The following HSF1 variants were observed in gnomAD, a reference collection of about 807,000 sequenced individuals.
HSF1 encodes the protein heat shock transcription factor 1.
A neutral mutation model predicts 51.7 loss-of-function variants in HSF1; 32 were observed. That is an observed-to-expected ratio of 0.62 (90% CI 0.47 to 0.83). HSF1 has a LOEUF of 0.83. Ranked by LOEUF, HSF1 falls within the 40% of genes least tolerant of loss-of-function variation. The pLI, the probability that HSF1 is intolerant of heterozygous loss-of-function variation, is 0.00. For missense variants in HSF1, 727 were observed against 717.0 expected, an observed-to-expected ratio of 1.01 and a Z score of -0.16; for synonymous variants, 396 against 309.7, an observed-to-expected ratio of 1.28 and a Z score of -2.92.
chr8:144,310,635 AC>A (rs1349812917), intron 4 of HSF1: 1 of 166,996 alleles, frequency 6.0e-6, no homozygotes, highest in Non-Finnish European at 1.3e-5. Flanking sequence ...AAGAAGACTC[AC>A]AGGCTTGACA....
chr8:144,309,902 T>C lies in HSF1; in HGVS notation c.488+6T>C, dbSNP rs1554844032. The C allele has an allele frequency of 1.2e-6, 2 of 1,612,172 alleles. No homozygotes were observed. The highest frequency in any genetic ancestry group is 3.3e-5 in the Admixed American group (2 of 59,952). ...AAGCTCCTGGCCATGAAGCAGTAGG[T>C]CCCACACCAGCATTATGGGCCACAG... On this transcript the variant is annotated splice_donor_region_variant and intron_variant, in intron 4 of 12. Coordinates refer to ENST00000528838, the MANE Select transcript of HSF1 (RefSeq NM_005526.4).
At chr8:144,309,285 G>C in intron 2 of HSF1, 170 bp from the exon 3 acceptor site, 4 of 838,160 alleles carry the variant, frequency 4.8e-6, no homozygotes, top group Non-Finnish European at 5.6e-6. Flanking sequence ...TGGGGACACA[G>C]GGTCTCCCTT....
In HSF1 at chr8:144,314,141, C is replaced by T. The variant is rs372568305; in HGVS notation, c.1401C>T (p.His467=). ...SSPDSGKQLV[H]YTAQPLFLLD... ...CCCCCGCAGGGAAGCAGCTGGTGCA[C>T]TACACAGCGCAGCCGCTGTTCCTGC... Residue 467 remains histidine (H), a synonymous_variant, in exon 13 of 13, where the codon CAC becomes CAT. Transcript: ENST00000528838. The T allele has an allele frequency of 1.3e-4, 201 of 1,545,554 alleles. No individual in the cohort carries two copies. The highest frequency in any genetic ancestry group is 9.5e-4 in the Middle Eastern group (5 of 5,256).
At chr8:144,305,565 T>C (rs1588646216) in intron 1 of HSF1, among the ~76,000 whole-genome samples, 1 of 152,218 alleles carries the variant, frequency 6.6e-6, no homozygotes, top group East Asian at 1.9e-4. Flanking sequence ...CCTCCCAAAG[T>C]GCTGAGATTA....
rs1170069798 is a variant in HSF1 at position 144,293,277 on chromosome 8, C to T, written c.117+1403C>T. Among the ~76,000 whole-genome samples, 8 of 152,252 alleles carry T rather than the reference C, an allele frequency of 5.3e-5. No individual in the cohort carries two copies. In the South Asian group the frequency reaches 1.2e-3, roughly 24 times the overall value. On this transcript the variant is annotated intron_variant, in intron 1 of 12. Coordinates refer to ENST00000528838, the MANE Select transcript of HSF1 (RefSeq NM_005526.4). ...TGTTAGAAACACTTTGTGTTTGTCC[C>T]GCTGACACCTCTGTGTTGGCCTTCC...
In HSF1 at chr8:144,313,602, A is replaced by G; in HGVS notation, c.1234A>G (p.Ser412Gly). ...CAGCCACGGCTTCAGCGTGGACACC[A>G]GTGCCCTGCTGGACGTGAGTGGAGC... is the stretch of plus-strand genomic sequence containing the variant. The part of the protein sequence containing the change: ...LSSHGFSVDT[S>G]ALLDLFSPSV... Residue 412 changes from serine (S) to glycine (G), a missense_variant, in exon 10 of 13, where the codon AGT becomes GGT. By Grantham distance (56) the Ser-to-Gly change is moderately conservative. Around this residue, in one of 2 missense-constraint regions of HSF1, gnomAD observed 470 missense variants for 398.8 expected, o/e 1.18. Coordinates refer to ENST00000528838, the MANE Select transcript of HSF1 (RefSeq NM_005526.4). 6.2e-7 allele frequency: 1 copy of G among 1,601,286 alleles called. No homozygotes were observed. Among genetic ancestry groups the G allele is most frequent in the Non-Finnish European group, 8.5e-7 (1 of 1,173,586 alleles).
Position 144,291,989 on chromosome 8 carries a change from T to C in HSF1, c.117+115T>C. On this transcript the variant is annotated intron_variant, in intron 1 of 12. Coordinates refer to ENST00000528838, the MANE Select transcript of HSF1 (RefSeq NM_005526.4). This position sits in a 1 kb window ranked among gnomAD's most constrained non-coding sequence, Gnocchi z 4.1. ...CTGCCGCACTTCAGCTTACGCGCGGTGAGCCTGCCCTGCCCCCGCCAGAGA... is the reference window on the plus strand; with the variant it reads ...CTGCCGCACTTCAGCTTACGCGCGGCGAGCCTGCCCTGCCCCCGCCAGAGA... The C allele has an allele frequency of 2.0e-6, 1 of 505,770 alleles. No individual in the cohort carries two copies. The highest frequency in any genetic ancestry group is 3.3e-6 in the Non-Finnish European group (1 of 306,070). The allele number at this position is 505,770 out of a possible 1,614,324, so 31.3% of individuals were successfully genotyped here.
chr8:144,295,703 C>T (rs1020874161), intron 1 of HSF1, among the ~76,000 whole-genome samples: 1 of 148,718 alleles, frequency 6.7e-6, no homozygotes, highest in African/African-American at 2.5e-5. Context: ...GCTTGCACCA[C>T]CAGACCTGGC....
At position 144,314,600 on chromosome 8, in the gene HSF1, T is replaced by C. The variant is rs1334506500; in HGVS notation, c.*270T>C. On this transcript the variant is annotated 3_prime_UTR_variant, in exon 13 of 13. Coordinates refer to ENST00000528838, the MANE Select transcript of HSF1 (RefSeq NM_005526.4). Reference sequence around the variant, plus strand: ...CCCTGCAGGTTGTTCATAGTCAGAATTGTATTTTGGATTTTTACACAACTG... The same window carrying C: ...CCCTGCAGGTTGTTCATAGTCAGAACTGTATTTTGGATTTTTACACAACTG... 1.1e-5 allele frequency: 6 copies of C among 527,780 alleles called. No individual in the cohort carries two copies. 32.7% of individuals were successfully genotyped at this position (527,780 alleles called of 1,614,324 possible). A position where few individuals can be genotyped will look rare whatever the true frequency, so the allele number is the denominator to read the frequency against.
chr8:144,308,963 A>G lies in HSF1; in HGVS notation c.175A>G (p.Lys59Glu). Residue 59 changes from lysine (K) to glutamate (E), a missense_variant, in exon 2 of 13, where the codon AAG becomes GAG. By Grantham distance (56) the Lys-to-Glu change is moderately conservative. Coordinates refer to ENST00000528838, the MANE Select transcript of HSF1 (RefSeq NM_005526.4). The part of the protein sequence containing the change: ...QGQFAKEVLP[K>E]YFKHNNMASF... ...CCAGTTTGCCAAGGAGGTGCTGCCC[A>G]AGTACTTCAAGCACAACAACATGGC... 6.2e-7 allele frequency: 1 copy of G among 1,614,140 alleles called. No individual in the cohort carries two copies. The highest frequency in any genetic ancestry group is 1.1e-5 in the South Asian group (1 of 91,084).
At chr8:144,313,402 C>T (rs1378390054) in intron 9 of HSF1, 109 bp from the exon 10 acceptor site, 7 of 723,488 alleles carry the variant, frequency 9.7e-6, no homozygotes, top group African/African-American at 1.8e-5. Context: ...CAGGCGTACA[C>T]GGGGGTGCAG....
Position 144,291,829 on chromosome 8 carries a change from C to A in HSF1, c.72C>A (p.Thr24=), listed in dbSNP as rs189283411. 1.1e-3 allele frequency: 1,778 copies of A among 1,556,670 alleles called. 13 individuals are homozygous for A. In the African/African-American group the frequency reaches 0.019, roughly 17 times the overall value. The change falls in exon 1 of 13, where the codon ACC becomes ACA. Residue 24 remains threonine (T), a synonymous_variant. Coordinates refer to ENST00000528838, the MANE Select transcript of HSF1 (RefSeq NM_005526.4). This position sits in a 1 kb window ranked among gnomAD's most constrained non-coding sequence, Gnocchi z 4.1. ...CGGCCTTCCTGACCAAGCTGTGGAC[C>A]CTCGTGAGCGACCCGGACACCGACG... is the stretch of plus-strand genomic sequence containing the variant. ...NVPAFLTKLW[T]LVSDPDTDAL... is the part of the protein sequence containing the mutation.
intron 2 of HSF1, 82 bp downstream of exon 2, chr8:144,309,096 G>GT: frequency 9.0e-7 from 1 of 1,114,506 alleles, no homozygotes; most frequent in South Asian, 1.3e-5. Flanking sequence ...ACCCTGTGAT[G>GT]AAGGACGGGG....
At chr8:144,311,466 AGGT>A in intron 6 of HSF1, 36 bp from the exon 7 acceptor site, 1 of 1,611,718 alleles carries the variant, frequency 6.2e-7, no homozygotes, top group Non-Finnish European at 8.5e-7. Flanking sequence ...GGGTACCCCG[AGGT>A]GGGGGGTGGT....
chr8:144,307,647 T>G (rs1816310310), intron 1 of HSF1, among the ~76,000 whole-genome samples: 1 of 151,924 alleles, frequency 6.6e-6, no homozygotes, highest in African/African-American at 2.4e-5. Flanking sequence ...GGCAGGAGAA[T>G]CACTTGAACT....
intron 1 of HSF1, among the ~76,000 whole-genome samples, chr8:144,302,821 G>GA (rs1224705894): frequency 6.6e-6 from 1 of 151,856 alleles, no homozygotes; most frequent in East Asian, 1.9e-4. Flanking sequence ...ACTCTGTCTC[G>GA]AAAAAACATA....
At position 144,311,515 on chromosome 8, in the gene HSF1, C is replaced by G; in HGVS notation, c.637C>G (p.Leu213Val). The stretch of plus-strand genomic sequence containing the variant: ...CACCCTTCCCCACAGCCCCCTGATG[C>G]TGAACGACAGTGGCTCAGCACATTC... ...LGVKRKIPLMLNDSGSAHSMP... is the reference protein window; with the variant it reads ...LGVKRKIPLMVNDSGSAHSMP... Residue 213 changes from leucine to valine, a missense_variant, in exon 7 of 13, where the codon CTG (leucine) becomes GTG (valine). Physicochemically the swap from Leu to Val is conservative, Grantham distance 32 (BLOSUM62 1). Around this residue, in one of 2 missense-constraint regions of HSF1, gnomAD observed 257 missense variants for 318.3 expected, o/e 0.81. Coordinates refer to ENST00000528838, the MANE Select transcript of HSF1 (RefSeq NM_005526.4). The G allele has an allele frequency of 6.2e-7, 1 of 1,613,688 alleles. No individual in the cohort carries two copies. The highest frequency in any genetic ancestry group is 8.5e-7 in the Non-Finnish European group (1 of 1,179,980).
chr8:144,311,883 C>G, intron 8 of HSF1, 47 bp downstream of exon 8: 1 of 1,583,604 alleles, frequency 6.3e-7, no homozygotes, highest in African/African-American at 1.3e-5. Flanking sequence ...ATGAGGCGAG[C>G]CCCTGTGGGC....
At chr8:144,295,196 C>T (rs1442685961) in intron 1 of HSF1, among the ~76,000 whole-genome samples, 1 of 152,198 alleles carries the variant, frequency 6.6e-6, no homozygotes, top group Non-Finnish European at 1.5e-5. Flanking sequence ...CTGCAGCTGA[C>T]TCAGGAGGGC....
Sources: allele counts gnomAD v4.1 joint callset (sites outside exome capture counted in the v4.1 genomes callset), GRCh38; gene constraint gnomAD v4.1.1; regional missense constraint gnomAD v4.1.1; non-coding constraint Gnocchi (gnomAD v3.1); transcripts MANE v1.5; gene names NCBI Gene and HGNC (gene_info 2026-07-23, HGNC 2026-07-21).